The following OCA2 variants were observed in gnomAD, a reference collection of about 807,000 sequenced individuals.
OCA2 encodes OCA2 melanosomal transmembrane protein.
In OCA2, 77 loss-of-function variants were observed where a neutral mutation model predicts 100.2. The observed-to-expected ratio is 0.77, with a 90% confidence interval of 0.64 to 0.93. The LOEUF (loss-of-function observed/expected upper bound fraction) is 0.93, where lower values mean the gene tolerates loss of function less well. OCA2 is among the 40% of genes least tolerant of loss of function. The pLI, the probability that OCA2 is intolerant of heterozygous loss-of-function variation, is 0.00. For synonymous variants in OCA2, 432 were observed against 439.2 expected (o/e 0.98, Z 0.21); for missense variants, 1,062 against 1,089.1 (o/e 0.98, Z 0.35).
chr15:27,972,668 C>T (rs1313131123), intron 14 of OCA2, among the ~76,000 whole-genome samples: 1 of 151,816 alleles, frequency 6.6e-6, no homozygotes, highest in Non-Finnish European at 1.5e-5. Context: ...AAAATGTCTA[C>T]TCATGTCATT....
intron 23 of OCA2, among the ~76,000 whole-genome samples, chr15:27,762,406 A>G (rs2030913509): frequency 6.6e-6 from 1 of 152,122 alleles, no homozygotes; most frequent in Non-Finnish European, 1.5e-5. Flanking sequence ...GACCTCAAAA[A>G]CCTAAAATAA....
At chr15:27,813,213 T>C (rs1027232088) in intron 23 of OCA2, among the ~76,000 whole-genome samples, 6 of 152,004 alleles carry the variant, frequency 3.9e-5, no homozygotes, top group Non-Finnish European at 8.8e-5. Context: ...TGGACCACCG[T>C]CACCCAGCTA....
At chr15:28,072,468 T>C (rs2044291549) in intron 2 of OCA2, among the ~76,000 whole-genome samples, 1 of 151,796 alleles carries the variant, frequency 6.6e-6, no homozygotes, top group African/African-American at 2.4e-5. Context: ...CGGGTGCCTG[T>C]AGTCCCAGCT....
intron 19 of OCA2, among the ~76,000 whole-genome samples, chr15:27,904,377 G>A (rs566868120): frequency 6.6e-6 from 1 of 152,318 alleles, no homozygotes; most frequent in South Asian, 2.1e-4. Context: ...GAAGAGATGC[G>A]CAGATGAGCT....
rs772595552 is a variant in OCA2, at chr15:27,926,150, CA to C, written c.2055del (p.Phe685LeufsTer7). 4.9e-5 allele frequency: 79 copies of C among 1,613,864 alleles called. No individual in the cohort carries two copies. The highest frequency in any genetic ancestry group is 6.6e-5 in the Non-Finnish European group (78 of 1,179,958). ...ACCTCCATCAGAACAAAGAGCGCTGCAAAAAACAGAAGGGTTGCCCATTCCA... is the reference window on the plus strand; with the variant it reads ...ACCTCCATCAGAACAAAGAGCGCTGCAAAAACAGAAGGGTTGCCCATTCCA... ...HRVEWATLLF[F>X]AALFVLMEAL... is the part of the protein sequence containing the mutation. On this transcript the variant is annotated frameshift_variant, in exon 19 of 24. Transcript: ENST00000354638. LOFTEE classifies it high-confidence loss of function.
chr15:27,771,822 C>T (rs926519405), intron 23 of OCA2, among the ~76,000 whole-genome samples: 5 of 152,122 alleles, frequency 3.3e-5, no homozygotes, highest in Non-Finnish European at 7.3e-5. Context: ...TAAAACTCTA[C>T]CTGTACTATC....
the OCA2 span, among the ~76,000 whole-genome samples, chr15:27,727,438 C>T: frequency 6.6e-6 from 1 of 152,184 alleles, no homozygotes; most frequent in South Asian, 2.1e-4. Flanking sequence ...CAGATGTTAC[C>T]CTCTCATCAA....
chr15:28,009,729 A>AC (rs1247568023), intron 9 of OCA2, among the ~76,000 whole-genome samples: 6 of 110,074 alleles, frequency 5.5e-5, no homozygotes, highest in Non-Finnish European at 1.1e-4. Flanking sequence ...CACACACACA[A>AC]AGTCAACAAA....
chr15:27,874,990 T>A (rs2036729765), intron 19 of OCA2, among the ~76,000 whole-genome samples: 1 of 152,124 alleles, frequency 6.6e-6, no homozygotes, highest in Non-Finnish European at 1.5e-5. Context: ...ATGGGAAATA[T>A]GAAGCATGAA....
chr15:27,892,102 A>G (rs984025383), intron 19 of OCA2, among the ~76,000 whole-genome samples: 2 of 152,164 alleles, frequency 1.3e-5, no homozygotes, highest in Admixed American at 6.5e-5. Flanking sequence ...AGAAAAAACA[A>G]ATTCATGTTT....
intron 23 of OCA2, among the ~76,000 whole-genome samples, chr15:27,816,707 T>C (rs1217591676): frequency 2.6e-5 from 4 of 152,188 alleles, no homozygotes; most frequent in Non-Finnish European, 5.9e-5. Flanking sequence ...CTACAGCTAC[T>C]GAATTTTCCC....
In OCA2 at chr15:27,957,694, G is replaced by A. The variant is rs147905292; in HGVS notation, c.1678C>T (p.Arg560Cys). The A allele has an allele frequency of 6.9e-5, 111 of 1,612,972 alleles. No homozygotes were observed. Among genetic ancestry groups the A allele is most frequent in the African/African-American group, 1.3e-4 (10 of 74,908 alleles). The change falls in exon 16 of 24, where the codon CGC becomes TGC. Residue 560 changes from arginine (R) to cysteine (C), a missense_variant. Transcript: ENST00000354638. The surrounding 1 kb of genome is among the most constrained non-coding windows in gnomAD (Gnocchi z 4.3). The stretch of plus-strand genomic sequence containing the variant: ...TCCTCGCGGCTGGCCGGGCTGATGC[G>A]CTGAGCAGTCAGGCGCCAGACGTGA... Reference protein sequence around the residue: ...EIHVWRLTAQRISPASREETA... With the variant: ...EIHVWRLTAQCISPASREETA...
the OCA2 span, among the ~76,000 whole-genome samples, chr15:27,730,913 A>T: frequency 6.6e-6 from 1 of 151,916 alleles, no homozygotes; most frequent in South Asian, 2.1e-4. Flanking sequence ...ACTGTTTTTC[A>T]GCTATGCATG....
intron 23 of OCA2, among the ~76,000 whole-genome samples, chr15:27,767,583 T>A (rs1431131372): frequency 1.3e-5 from 2 of 152,190 alleles, no homozygotes; most frequent in Non-Finnish European, 2.9e-5. Flanking sequence ...ACTCTATGTC[T>A]AGCTAAAGGA....
chr15:27,928,800 T>C (rs1466255243), intron 18 of OCA2, among the ~76,000 whole-genome samples: 1 of 152,206 alleles, frequency 6.6e-6, no homozygotes, highest in Non-Finnish European at 1.5e-5. Context: ...CTGGCTCTTC[T>C]ATCTTTCACT....
intron 12 of OCA2, among the ~76,000 whole-genome samples, chr15:27,986,317 C>G (rs1269488068): frequency 6.6e-6 from 1 of 152,062 alleles, no homozygotes; most frequent in Non-Finnish European, 1.5e-5. Context: ...TAGCTCTCAC[C>G]AGACAATTTA....
chr15:28,087,850 T>G (rs1345258659), intron 1 of OCA2, among the ~76,000 whole-genome samples: 1 of 152,076 alleles, frequency 6.6e-6, no homozygotes, highest in Non-Finnish European at 1.5e-5. Context: ...TCACCTGAGG[T>G]CAGGAGTTTG....
At chr15:28,075,599 C>G (rs1271061903) in intron 2 of OCA2, among the ~76,000 whole-genome samples, 1 of 152,202 alleles carries the variant, frequency 6.6e-6, no homozygotes, top group Non-Finnish European at 1.5e-5. Flanking sequence ...TTAAAATTTA[C>G]ATTCACATAA....
At chr15:28,020,450 C>A (rs964140990) in intron 6 of OCA2, among the ~76,000 whole-genome samples, 6 of 152,056 alleles carry the variant, frequency 3.9e-5, no homozygotes, top group African/African-American at 1.4e-4. Context: ...CCAGCCTCCC[C>A]CTTCAGGTTC....
Sources: allele counts gnomAD v4.1 joint callset (sites outside exome capture counted in the v4.1 genomes callset), GRCh38; gene constraint gnomAD v4.1.1; non-coding constraint Gnocchi (gnomAD v3.1); transcripts MANE v1.5; gene names NCBI Gene and HGNC (gene_info 2026-07-23, HGNC 2026-07-21).